Variants in GAB1 observed in about 807,000 individuals in gnomAD.
The protein encoded by GAB1 is GRB2 associated binding protein 1, also known as GRB2-associated-binding protein 1.
A neutral mutation model predicts 66.5 loss-of-function variants in GAB1; 19 were observed. The observed-to-expected ratio is 0.29, with a 90% CI of 0.20 to 0.42. GAB1 has a LOEUF of 0.42. Ranked by LOEUF, GAB1 falls within the 10% of genes least tolerant of loss-of-function variation. The pLI, the probability that GAB1 is intolerant of heterozygous loss-of-function variation, is 1.00. For synonymous variants in GAB1, 294 were observed against 301.4 expected, an observed-to-expected ratio of 0.98 and a Z score of 0.25; for missense variants, 732 against 858.5, an observed-to-expected ratio of 0.85 and a Z score of 1.84.
In GAB1 at chr4:143,390,787, A is replaced by G. The variant is rs141218893; in HGVS notation, c.73-24690A>G. ...GCAAAGAATCATGTTCTTTGCAGAA[A>G]TTCAGGCACCCAGATTTCTTCCATC... On this transcript the variant is annotated intron_variant, in intron 1 of 9. Transcript: ENST00000262994. 2.6e-5 allele frequency among the ~76,000 whole-genome samples: 4 copies of G among 152,282 alleles called. No homozygotes were observed. The East Asian group carries it at 7.7e-4, about 29-fold the overall frequency.
At chr4:143,395,836 G>A (rs1364117110) in intron 1 of GAB1, 1 of 453,600 alleles carries the variant, frequency 2.2e-6, no homozygotes, top group African/African-American at 2.0e-5. Flanking sequence ...GTAACAAAAT[G>A]AGGAGTAAGT....
At chr4:143,455,436 A>C (rs1735132769) in intron 6 of GAB1, among the ~76,000 whole-genome samples, 2 of 152,192 alleles carry the variant, frequency 1.3e-5, no homozygotes, top group African/African-American at 2.4e-5. Context: ...AACTTAGATA[A>C]GATACTGGGG....
intron 1 of GAB1, among the ~76,000 whole-genome samples, chr4:143,412,762 A>G (rs1053745487): frequency 1.3e-5 from 2 of 151,956 alleles, no homozygotes; most frequent in Admixed American, 6.6e-5. Context: ...AGGGGAAAAC[A>G]TGTGCAAAGT....
intron 1 of GAB1, among the ~76,000 whole-genome samples, chr4:143,373,450 C>A (rs1050006511): frequency 2.6e-5 from 4 of 152,148 alleles, no homozygotes; most frequent in African/African-American, 9.7e-5. Context: ...TTTTACATTT[C>A]TGCATTTTAT....
intron 6 of GAB1, among the ~76,000 whole-genome samples, chr4:143,453,668 C>T (rs1342836211): frequency 2.0e-5 from 3 of 152,064 alleles, no homozygotes; most frequent in African/African-American, 4.8e-5. Context: ...ACAAAAGCAA[C>T]GCAATACAAA....
At chr4:143,367,552 C>CTT (rs33926534) in intron 1 of GAB1, among the ~76,000 whole-genome samples, 4 of 141,148 alleles carry the variant, frequency 2.8e-5, no homozygotes, top group Admixed American at 2.8e-4. Flanking sequence ...TAAATGTTTG[C>CTT]TTTTTTTTTT....
intron 6 of GAB1, among the ~76,000 whole-genome samples, chr4:143,452,279 T>C (rs1734967913): frequency 6.6e-6 from 1 of 152,142 alleles, no homozygotes; most frequent in African/African-American, 2.4e-5. Context: ...TGGGGACGAT[T>C]CCTTATAATT....
chr4:143,441,548 G>C (rs1445217325), intron 6 of GAB1, among the ~76,000 whole-genome samples: 2 of 148,782 alleles, frequency 1.3e-5, no homozygotes, highest in Non-Finnish European at 3.0e-5. Context: ...TAACCTCCTC[G>C]TTTCAACAGG....
intron 6 of GAB1, among the ~76,000 whole-genome samples, chr4:143,454,543 C>G (rs1225564551): frequency 6.6e-6 from 1 of 152,146 alleles, no homozygotes; most frequent in Non-Finnish European, 1.5e-5. Flanking sequence ...CTGGCAAGAT[C>G]TGATTGGTGA....
chr4:143,462,638 A>G (rs1735555550), intron 8 of GAB1, among the ~76,000 whole-genome samples: 1 of 152,032 alleles, frequency 6.6e-6, no homozygotes, highest in South Asian at 2.1e-4. Flanking sequence ...AGAGGTGTCT[A>G]AATAAACACA....
Position 143,386,857 on chromosome 4 carries a change from C to A in GAB1, c.73-28620C>A, listed in dbSNP as rs1200342858. Among the ~76,000 whole-genome samples, 3 of 152,132 alleles carry A rather than the reference C, an allele frequency of 2.0e-5. No homozygotes were observed. The East Asian group carries it at 5.8e-4, about 29-fold the overall frequency. On this transcript the variant is annotated intron_variant, in intron 1 of 9. Coordinates refer to ENST00000262994, the MANE Select transcript of GAB1 (RefSeq NM_002039.4). ...ATTTTGGATTTTCAGATTAGTAATA[C>A]ACAACATGTAGTTGCTGCAGAGATC... is the stretch of plus-strand genomic sequence containing the variant.
chr4:143,352,287 T>C (rs1441271484), intron 1 of GAB1, among the ~76,000 whole-genome samples: 1 of 152,242 alleles, frequency 6.6e-6, no homozygotes, highest in Non-Finnish European at 1.5e-5. Context: ...CTTGCAGGTC[T>C]GGCTACTGTA....
intron 8 of GAB1, among the ~76,000 whole-genome samples, chr4:143,463,729 A>G (rs1223959727): frequency 1.3e-5 from 2 of 152,212 alleles, no homozygotes; most frequent in African/African-American, 2.4e-5. Context: ...GTTTTGGGAA[A>G]ATACTGGGTG....
rs1379116180 is a variant in GAB1, at chr4:143,438,411, A to G, written c.1006A>G (p.Thr336Ala). Reference sequence around the variant, plus strand: ...CTTGGGACAGACATCAAAGCTAGACACTATTCCAGATATTCCTCCACCTCG... The same window carrying G: ...CTTGGGACAGACATCAAAGCTAGACGCTATTCCAGATATTCCTCCACCTCG... ...GTLGQTSKLDTIPDIPPPRPP... is the reference protein window; with the variant it reads ...GTLGQTSKLDAIPDIPPPRPP... The change falls in exon 4 of 10, where the codon ACT (threonine) becomes GCT (alanine). Residue 336 changes from threonine to alanine, a missense_variant. Thr to Ala is a moderately conservative substitution (Grantham distance 58, BLOSUM62 0). Transcript: ENST00000262994. 3.7e-6 allele frequency: 6 copies of G among 1,613,910 alleles called. No individual in the cohort carries two copies. The highest frequency in any genetic ancestry group is 2.2e-5 in the East Asian group (1 of 44,882).
At chr4:143,384,447 C>T (rs1263515147) in intron 1 of GAB1, among the ~76,000 whole-genome samples, 1 of 152,156 alleles carries the variant, frequency 6.6e-6, no homozygotes, top group East Asian at 1.9e-4. Flanking sequence ...TAAGTTGGTG[C>T]TATTGGCTGT....
rs148774872 is a variant in GAB1 at position 143,467,064 on chromosome 4, G to A, written c.1926+839G>A. Among the ~76,000 whole-genome samples the A allele has an allele frequency of 6.1e-4, 93 of 152,184 alleles. No homozygotes were observed. The East Asian group carries it at 0.016, about 26-fold the overall frequency. On this transcript the variant is annotated intron_variant, in intron 9 of 9. Transcript: ENST00000262994. ...AATATACCCTTTAGAAGTGCCTTTA[G>A]TGGAGGTCATTGGTAGTAATTTTTT...
rs1736028745 is a variant in GAB1 at position 143,470,609 on chromosome 4, A to T, written c.*1420A>T. ...TCTTGGCTTTGCAACATAATTTAGA[A>T]AGCACGTATAGTTGTTTTTTAACCA... On this transcript the variant is annotated 3_prime_UTR_variant, in exon 10 of 10. Transcript: ENST00000262994. 6.6e-6 allele frequency: 1 copy of T among 152,210 alleles called. No homozygotes were observed. Among genetic ancestry groups the T allele is most frequent in the Admixed American group, 6.5e-5 (1 of 15,280 alleles). The allele number at this position is 152,210 out of a possible 1,614,324, so 9.4% of individuals were successfully genotyped here. A position where few individuals can be genotyped will look rare whatever the true frequency, so the allele number is the denominator to read the frequency against.
intron 1 of GAB1, among the ~76,000 whole-genome samples, chr4:143,369,643 G>A (rs1346552339): frequency 6.6e-6 from 1 of 152,128 alleles, no homozygotes; most frequent in African/African-American, 2.4e-5. Flanking sequence ...AACTGCTGTT[G>A]GTGCCCCAGA....
rs1437280303 is a variant in GAB1 at position 143,336,925 on chromosome 4, G to C, written c.-264G>C. 3 of 469,240 alleles carry C rather than the reference G, an allele frequency of 6.4e-6. No homozygotes were observed. The highest frequency in any genetic ancestry group is 1.1e-5 in the Non-Finnish European group (3 of 264,786). 29.1% of individuals were successfully genotyped at this position (469,240 alleles called of 1,614,324 possible). A position where few individuals can be genotyped will look rare whatever the true frequency, so the allele number is the denominator to read the frequency against. ...GCTGAGGCAGCTGGCGAGACGGCACGTCTGGAGGCGAGGCGGGCGCACTGA... is the reference window on the plus strand; with the variant it reads ...GCTGAGGCAGCTGGCGAGACGGCACCTCTGGAGGCGAGGCGGGCGCACTGA... On this transcript the variant is annotated 5_prime_UTR_variant, in exon 1 of 10. Transcript: ENST00000262994.
Sources: gnomAD v4.1 joint callset for allele counts (sites outside exome capture counted in the v4.1 genomes callset) on GRCh38, gnomAD v4.1.1 for gene constraint, MANE v1.5 for transcripts, NCBI Gene and HGNC (gene_info 2026-07-23, HGNC 2026-07-21) for gene names.